SPIRE1: variants seen among roughly 807,000 people sequenced by gnomAD.
The protein encoded by SPIRE1 is spire type actin nucleation factor 1.
A neutral mutation model predicts 94.1 loss-of-function variants in SPIRE1; 40 were observed. The observed-to-expected ratio is 0.43, with a 90% CI of 0.33 to 0.55. The LOEUF (loss-of-function observed/expected upper bound fraction) is 0.55. Among genes scored for constraint, SPIRE1 ranks in the 20% least tolerant of loss-of-function variants. SPIRE1 has a pLI of 0.06. For synonymous variants in SPIRE1, 376 were observed against 371.7 expected (o/e 1.01, Z -0.13); for missense variants, 838 against 975.2 (o/e 0.86, Z 1.87).
intron 1 of SPIRE1, among the ~76,000 whole-genome samples, chr18:12,647,608 G>A (rs931370308): frequency 3.3e-5 from 5 of 152,056 alleles, no homozygotes; most frequent in Non-Finnish European, 7.3e-5. Flanking sequence ...AAAAAAATTA[G>A]CCAGGAGTGG....
intron 9 of SPIRE1, 119 bp from the exon 10 acceptor site, chr18:12,479,990 T>C: frequency 1.1e-6 from 1 of 878,040 alleles, no homozygotes; most frequent in South Asian, 2.2e-5. Context: ...AGTAACACCT[T>C]GCCTATGTAT....
At chr18:12,546,453 C>A (rs1472942226) in intron 3 of SPIRE1, among the ~76,000 whole-genome samples, 2 of 151,988 alleles carry the variant, frequency 1.3e-5, no homozygotes, top group East Asian at 3.9e-4. Flanking sequence ...AGCAACATAG[C>A]AAGACCTCAT....
At chr18:12,454,871 A>G (rs1192452128) in intron 12 of SPIRE1, among the ~76,000 whole-genome samples, 1 of 152,236 alleles carries the variant, frequency 6.6e-6, no homozygotes, top group East Asian at 1.9e-4. Flanking sequence ...CACCTATGAA[A>G]AAGACATTAC....
intron 10 of SPIRE1, among the ~76,000 whole-genome samples, chr18:12,467,161 C>G (rs1230716344): frequency 6.6e-6 from 1 of 152,138 alleles, no homozygotes; most frequent in Non-Finnish European, 1.5e-5. Context: ...GCCTGTAATC[C>G]CAGCTACTTG....
At chr18:12,649,511 T>A (rs1394816404) in intron 1 of SPIRE1, among the ~76,000 whole-genome samples, 1 of 152,232 alleles carries the variant, frequency 6.6e-6, no homozygotes, top group African/African-American at 2.4e-5. Context: ...TTTTCCTTTT[T>A]TCTACTTAGC....
rs145351223 is a variant in SPIRE1, at chr18:12,533,001, C to T, written c.729+2475G>A. Among the ~76,000 whole-genome samples the T allele has an allele frequency of 1.2e-3, 180 of 152,182 alleles. 1 individual carries two copies. Among genetic ancestry groups the T allele is most frequent in the African/African-American group, 2.2e-3 (91 of 41,494 alleles). On this transcript the variant is annotated intron_variant, in intron 4 of 16. Coordinates refer to ENST00000409402, the MANE Select transcript of SPIRE1 (RefSeq NM_001128626.2). ...AGATGTAGAGGAGAGATCGGCTTCC[C>T]GCAGGAGGAAAGCAAGAGAAAGCAC...
At chr18:12,530,845 T>C (rs2144166227) in intron 4 of SPIRE1, among the ~76,000 whole-genome samples, 1 of 152,268 alleles carries the variant, frequency 6.6e-6, no homozygotes, top group East Asian at 1.9e-4. Context: ...ATACATCAAG[T>C]TTCTACTATA....
chr18:12,658,809 T>A, upstream of SPIRE1: 2 of 320,928 alleles, frequency 6.2e-6, no homozygotes, highest in Non-Finnish European at 1.3e-5. Context: ...TTACGGGTTT[T>A]CCTCACTGAC....
chr18:12,608,902 C>G (rs966847983), intron 2 of SPIRE1, among the ~76,000 whole-genome samples: 6 of 152,100 alleles, frequency 3.9e-5, no homozygotes, highest in Non-Finnish European at 8.8e-5. Flanking sequence ...AGTAGAACTC[C>G]AAAGCAGCAG....
rs1328003555 is a variant in SPIRE1 at position 12,559,088 on chromosome 18, TCA to T, written c.373-12186_373-12185del. 2.0e-5 allele frequency among the ~76,000 whole-genome samples: 3 copies of T among 148,604 alleles called. No homozygotes were observed. Among genetic ancestry groups the T allele is most frequent in the Admixed American group, 6.7e-5 (1 of 14,886 alleles). On this transcript the variant is annotated intron_variant, in intron 2 of 16. Transcript: ENST00000409402. This position sits in a 1 kb window ranked among gnomAD's most constrained non-coding sequence, Gnocchi z 4.7. ...GTCCCGTGCCACGTGCCTGCACTCC[TCA>T]GCCCTTGGGCGGTAGATGGGACCAG...
rs193209681 is a variant in SPIRE1 at position 12,599,218 on chromosome 18, A to C, written c.372+35844T>G. ...CATGCTCTTTGTACTATCCTTCCTA[A>C]CCCAGGCTCATCCATTGCATTTGTT... On this transcript the variant is annotated intron_variant, in intron 2 of 16. Coordinates refer to ENST00000409402, the MANE Select transcript of SPIRE1 (RefSeq NM_001128626.2). Among the ~76,000 whole-genome samples, 276 of 152,082 alleles carry C rather than the reference A, an allele frequency of 1.8e-3. 1 individual carries two copies. The highest frequency in any genetic ancestry group is 6.1e-3 in the African/African-American group (253 of 41,484).
chr18:12,596,883 T>G (rs1414118877), intron 2 of SPIRE1, among the ~76,000 whole-genome samples: 2 of 146,104 alleles, frequency 1.4e-5, no homozygotes, highest in East Asian at 1.9e-4. Context: ...AGCCCTGCAC[T>G]GTCCTGCTAA....
intron 2 of SPIRE1, among the ~76,000 whole-genome samples, chr18:12,632,045 CAA>C (rs36021269): frequency 3.3e-4 from 48 of 143,292 alleles, no homozygotes; most frequent in Non-Finnish European, 4.4e-4. Context: ...ACTCTGTCTC[CAA>C]AAAAAAAAAA....
chr18:12,590,500 G>T (rs1203879899), intron 2 of SPIRE1, among the ~76,000 whole-genome samples: 1 of 152,100 alleles, frequency 6.6e-6, no homozygotes, highest in Non-Finnish European at 1.5e-5. Context: ...AAAGAAGAAA[G>T]CCCAAAGGAA....
At chr18:12,511,884 C>T (rs565648355) in intron 5 of SPIRE1, among the ~76,000 whole-genome samples, 42 of 152,052 alleles carry the variant, frequency 2.8e-4, no homozygotes, top group South Asian at 4.2e-4. Context: ...GCCACCAGCC[C>T]GGCTAATTTT....
intron 2 of SPIRE1, among the ~76,000 whole-genome samples, chr18:12,633,428 C>G (rs941431152): frequency 1.3e-5 from 2 of 151,838 alleles, no homozygotes; most frequent in African/African-American, 2.4e-5. Flanking sequence ...AATACAAAAA[C>G]TAGCCAGCAT....
chr18:12,660,976 C>T (rs967813508), upstream of SPIRE1, among the ~76,000 whole-genome samples: 1 of 149,882 alleles, frequency 6.7e-6, no homozygotes, highest in African/African-American at 2.5e-5. Context: ...AAGACTATAA[C>T]TTACTAACTT....
At chr18:12,612,585 T>C (rs992722796) in intron 2 of SPIRE1, among the ~76,000 whole-genome samples, 1 of 152,238 alleles carries the variant, frequency 6.6e-6, no homozygotes, top group Non-Finnish European at 1.5e-5. Flanking sequence ...TTGTTATCTC[T>C]GACCCAACTC....
chr18:12,570,113 A>AC (rs1279496336), intron 2 of SPIRE1, among the ~76,000 whole-genome samples: 1 of 151,990 alleles, frequency 6.6e-6, no homozygotes, highest in Non-Finnish European at 1.5e-5. Flanking sequence ...TCCCATCACC[A>AC]CGTTATTCCC....
Sources: gnomAD v4.1 joint callset for allele counts (sites outside exome capture counted in the v4.1 genomes callset) on GRCh38, gnomAD v4.1.1 for gene constraint, Gnocchi (gnomAD v3.1) non-coding constraint, MANE v1.5 for transcripts, NCBI Gene and HGNC (gene_info 2026-07-23, HGNC 2026-07-21) for gene names.